EML6: variants seen among roughly 807,000 people sequenced by gnomAD.
The protein encoded by EML6 is EMAP like 6, also known as echinoderm microtubule-associated protein-like 6.
In EML6, 154 loss-of-function variants were observed where a neutral mutation model predicts 240.1. The observed-to-expected ratio is 0.64, with a 90% CI of 0.56 to 0.73. EML6 has a LOEUF of 0.73. EML6 is among the 30% of genes least tolerant of loss of function. The pLI is 0.00. For missense variants in EML6, 2,964 were observed against 2,474.6 expected, an observed-to-expected ratio of 1.20 and a Z score of -4.20; for synonymous variants, 1,148 against 899.0, an observed-to-expected ratio of 1.28 and a Z score of -4.95.
chr2:54,861,866 A>G (rs974729861), intron 12 of EML6, among the ~76,000 whole-genome samples: 7 of 152,026 alleles, frequency 4.6e-5, no homozygotes, highest in African/African-American at 1.7e-4. Flanking sequence ...AGACATCTCC[A>G]GAAAGCAACC....
rs139055432 is a variant in EML6, at chr2:54,762,811, C to G, written c.197+37553C>G. Among the ~76,000 whole-genome samples the G allele has an allele frequency of 9.3e-4, 141 of 152,264 alleles. 1 individual carries two copies. Among genetic ancestry groups the G allele is most frequent in the Admixed American group, 2.2e-3 (33 of 15,290 alleles). ...TTCCCTAGCACTGGAATCAATTTCT[C>G]CAAGAAATTCTGGTTCTTTTAGTGG... is the stretch of plus-strand genomic sequence containing the variant. On this transcript the variant is annotated intron_variant, in intron 2 of 41. Coordinates refer to ENST00000356458, the MANE Select transcript of EML6 (RefSeq NM_001039753.4).
intron 26 of EML6, among the ~76,000 whole-genome samples, chr2:54,920,924 T>C (rs1261502127): frequency 1.3e-5 from 2 of 152,054 alleles, no homozygotes; most frequent in East Asian, 3.8e-4. Flanking sequence ...ATTATCTCAG[T>C]GGATGTGAGA....
chr2:54,831,160 T>C (rs1313255970), intron 7 of EML6, among the ~76,000 whole-genome samples: 1 of 152,074 alleles, frequency 6.6e-6, no homozygotes, highest in African/African-American at 2.4e-5. Context: ...AACCAAAACA[T>C]GTACTTAGAG....
chr2:54,860,117 T>C (rs1247188489), intron 12 of EML6, among the ~76,000 whole-genome samples: 2 of 152,168 alleles, frequency 1.3e-5, no homozygotes, highest in African/African-American at 4.8e-5. Context: ...AGGCACACTC[T>C]GGCAGGAACC....
At position 54,875,395 on chromosome 2, in the gene EML6, C is replaced by T. The variant is rs564180319; in HGVS notation, c.2344+3790C>T. 6.3e-4 allele frequency among the ~76,000 whole-genome samples: 96 copies of T among 152,336 alleles called. 2 individuals are homozygous for T. The highest frequency in any genetic ancestry group is 2.2e-3 in the African/African-American group (92 of 41,582). ...GCACTGACGTGACACTCAACAGTTA[C>T]GATTTAGCTAGTGCTCCATCTGTGT... On this transcript the variant is annotated intron_variant, in intron 16 of 41. Transcript: ENST00000356458.
chr2:54,842,884 GGT>G (rs1206928905), intron 7 of EML6, among the ~76,000 whole-genome samples: 5 of 152,114 alleles, frequency 3.3e-5, no homozygotes, highest in African/African-American at 1.2e-4. Flanking sequence ...AAATTAAGTC[GGT>G]GAAGAATAGT....
At chr2:54,842,326 T>C (rs924281935) in intron 7 of EML6, among the ~76,000 whole-genome samples, 2 of 152,242 alleles carry the variant, frequency 1.3e-5, no homozygotes, top group African/African-American at 2.4e-5. Context: ...TAGAACTATT[T>C]AGTAGGTCTT....
chr2:54,920,442 C>G (rs917618156), intron 26 of EML6, among the ~76,000 whole-genome samples: 1 of 152,090 alleles, frequency 6.6e-6, no homozygotes, highest in African/African-American at 2.4e-5. Flanking sequence ...AATACACAGC[C>G]TACCAAAACT....
rs999742641 is a variant in EML6, at chr2:54,959,278, A to G, written c.4853+17A>G. 39 of 1,504,900 alleles carry G rather than the reference A, an allele frequency of 2.6e-5. No individual in the cohort carries two copies. The Admixed American group carries it at 8.0e-4, about 31-fold the overall frequency. The allele number at this position is 1,504,900 out of a possible 1,614,324, so 93.2% of individuals were successfully genotyped here. Reference sequence around the variant, plus strand: ...AGAGAGGCCGTAAGCCAAAGCTCCTATGGAAACAACTTGTCGTTTGTTGTT... The same window carrying G: ...AGAGAGGCCGTAAGCCAAAGCTCCTGTGGAAACAACTTGTCGTTTGTTGTT... On this transcript the variant is annotated intron_variant, in intron 34 of 41. Coordinates refer to ENST00000356458, the MANE Select transcript of EML6 (RefSeq NM_001039753.4).
intron 8 of EML6, 134 bp from the exon 9 acceptor site, chr2:54,847,352 A>G (rs188610646): frequency 9.4e-6 from 8 of 847,170 alleles, no homozygotes; most frequent in African/African-American, 3.4e-5. Flanking sequence ...AGGCCATGAT[A>G]AAGGGCTCTG....
intron 2 of EML6, among the ~76,000 whole-genome samples, chr2:54,728,943 G>A (rs758294280): frequency 6.6e-6 from 1 of 151,844 alleles, no homozygotes; most frequent in African/African-American, 2.4e-5. Flanking sequence ...CATCTTCCCC[G>A]CTGGCCCTTC....
intron 12 of EML6, among the ~76,000 whole-genome samples, chr2:54,860,324 G>A (rs1215597635): frequency 6.6e-6 from 1 of 152,140 alleles, no homozygotes; most frequent in Non-Finnish European, 1.5e-5. Flanking sequence ...AGAAGCCTCG[G>A]TTTGATACAA....
At chr2:54,789,147 C>G (rs164942) in intron 2 of EML6, among the ~76,000 whole-genome samples, 24,574 of 152,142 alleles carry the variant, frequency 0.16, 2,361 homozygotes, top group Non-Finnish European at 0.21. Flanking sequence ...AAGATACTTG[C>G]GTAAACAAAC....
chr2:54,903,852 G>A (rs1344691549), intron 24 of EML6, among the ~76,000 whole-genome samples: 2 of 152,112 alleles, frequency 1.3e-5, no homozygotes, highest in Non-Finnish European at 2.9e-5. Context: ...CCTCCTGGCT[G>A]GTTTCCCTTT....
rs145625366 is a variant in EML6, at chr2:54,962,061, A to C, written c.4969-462A>C. Among the ~76,000 whole-genome samples the C allele has an allele frequency of 2.2e-3, 322 of 149,058 alleles. 2 individuals are homozygous for C. Among genetic ancestry groups the C allele is most frequent in the Middle Eastern group, 7.1e-3 (2 of 282 alleles). ...TTCTTATTTTAATATTAACACTGCA[A>C]AGGCATTTTCTCAAGTTACTTGTTT... On this transcript the variant is annotated intron_variant, in intron 35 of 41. Coordinates refer to ENST00000356458, the MANE Select transcript of EML6 (RefSeq NM_001039753.4).
intron 29 of EML6, among the ~76,000 whole-genome samples, chr2:54,950,260 G>C (rs979964059): frequency 6.6e-6 from 1 of 152,340 alleles, no homozygotes; most frequent in Middle Eastern, 3.4e-3. Context: ...ACATTGATGA[G>C]AGTTTATTAG....
intron 2 of EML6, among the ~76,000 whole-genome samples, chr2:54,802,668 GCTA>G (rs1160838637): frequency 5.8e-5 from 4 of 69,328 alleles, no homozygotes; most frequent in African/African-American, 1.3e-4. Context: ...TACTACTACT[GCTA>G]CTACTACTAC....
At chr2:54,757,278 A>C (rs1470009716) in intron 2 of EML6, among the ~76,000 whole-genome samples, 1 of 152,122 alleles carries the variant, frequency 6.6e-6, no homozygotes, top group African/African-American at 2.4e-5. Context: ...TTTGTATTTA[A>C]GAGCAAGACC....
intron 2 of EML6, among the ~76,000 whole-genome samples, chr2:54,793,972 C>T (rs1354309694): frequency 6.6e-6 from 1 of 152,210 alleles, no homozygotes; most frequent in African/African-American, 2.4e-5. Flanking sequence ...ACTGGTTTCC[C>T]TGAAATAGCT....
Sources: gnomAD v4.1 joint callset for allele counts (sites outside exome capture counted in the v4.1 genomes callset) on GRCh38, gnomAD v4.1.1 for gene constraint, MANE v1.5 for transcripts, NCBI Gene and HGNC (gene_info 2026-07-23, HGNC 2026-07-21) for gene names.